XKR4: variants seen among roughly 807,000 people sequenced by gnomAD.
The protein encoded by XKR4 is XK-related protein 4.
Under a neutral mutation model 53.9 loss-of-function variants are expected in XKR4, and 12 were observed. That is an observed-to-expected ratio of 0.22 (90% CI 0.14 to 0.36). The LOEUF is 0.36. XKR4 is among the 10% of genes least tolerant of loss of function. The pLI, the probability that XKR4 is intolerant of heterozygous loss-of-function variation, is 1.00. For missense variants in XKR4, 799 were observed against 859.5 expected (o/e 0.93, Z 0.88); for synonymous variants, 354 against 362.4 (o/e 0.98, Z 0.26).
intron 1 of XKR4, among the ~76,000 whole-genome samples, chr8:55,160,645 G>T (rs76068249): frequency 6.6e-6 from 1 of 152,104 alleles, no homozygotes; most frequent in Non-Finnish European, 1.5e-5. Context: ...TTCCCTATGA[G>T]TATGCATTGT....
At chr8:55,221,204 C>T (rs1817876733) in intron 1 of XKR4, among the ~76,000 whole-genome samples, 1 of 152,138 alleles carries the variant, frequency 6.6e-6, no homozygotes, top group Non-Finnish European at 1.5e-5. Flanking sequence ...ACTTTTATTG[C>T]CTGTCAACCT....
intron 2 of XKR4, among the ~76,000 whole-genome samples, chr8:55,400,309 G>A (rs930789851): frequency 2.0e-5 from 3 of 151,736 alleles, no homozygotes; most frequent in African/African-American, 7.3e-5. Flanking sequence ...CCCTAGAAAT[G>A]TTCTGCCAAA....
intron 2 of XKR4, among the ~76,000 whole-genome samples, chr8:55,401,460 T>C (rs1204552153): frequency 6.6e-6 from 1 of 152,198 alleles, no homozygotes; most frequent in East Asian, 1.9e-4. Flanking sequence ...ATGCAATCAC[T>C]CAATTTTCCA....
chr8:55,513,630 C>T (rs1255612892), intron 2 of XKR4, among the ~76,000 whole-genome samples: 1 of 152,182 alleles, frequency 6.6e-6, no homozygotes, highest in African/African-American at 2.4e-5. Flanking sequence ...GAGGTTTATT[C>T]ATGTCCATAC....
rs373106706 is a variant in XKR4, at chr8:55,220,694, C to T, written c.806+117400C>T. Among the ~76,000 whole-genome samples the T allele has an allele frequency of 2.4e-4, 37 of 152,304 alleles. 1 individual carries two copies. In the South Asian group the frequency reaches 5.4e-3, roughly 22 times the overall value. On this transcript the variant is annotated intron_variant, in intron 1 of 2. Transcript: ENST00000327381. ...AACCCAGCCAGTTTGGTTTGAACTC[C>T]GACCACCTTCTAGGTCTTACTGTCT... is the stretch of plus-strand genomic sequence containing the variant.
rs1807039956 is a variant in XKR4 at position 55,536,995 on chromosome 8, T to C, written c.*12768T>C. ...CAAATAGAAGTTTTAATTTTAAGCA[T>C]TCCTTATGATATTTTTTAAGCCTAA... On this transcript the variant is annotated 3_prime_UTR_variant, in exon 3 of 3. Coordinates refer to ENST00000327381, the MANE Select transcript of XKR4 (RefSeq NM_052898.2). 1 of 152,248 alleles carries C rather than the reference T, an allele frequency of 6.6e-6. No homozygotes were observed. The highest frequency in any genetic ancestry group is 2.4e-5 in the African/African-American group (1 of 41,464). The allele number at this position is 152,248 out of a possible 1,614,324, so 9.4% of individuals were successfully genotyped here.
chr8:55,292,884 C>T (rs1399579506), intron 1 of XKR4, among the ~76,000 whole-genome samples: 1 of 152,100 alleles, frequency 6.6e-6, no homozygotes, highest in East Asian at 1.9e-4. Flanking sequence ...GAAACTTCCT[C>T]TTTGGTCCAT....
intron 2 of XKR4, among the ~76,000 whole-genome samples, chr8:55,515,150 G>T (rs551129081): frequency 1.3e-5 from 2 of 152,050 alleles, no homozygotes; most frequent in Non-Finnish European, 2.9e-5. Context: ...CATCTCCTCA[G>T]CAGACTCACA....
At chr8:55,219,669 C>A (rs985018338) in intron 1 of XKR4, among the ~76,000 whole-genome samples, 1 of 152,154 alleles carries the variant, frequency 6.6e-6, no homozygotes, top group Non-Finnish European at 1.5e-5. Context: ...TAGAGCAAAC[C>A]AGTGTTGACT....
intron 1 of XKR4, among the ~76,000 whole-genome samples, chr8:55,298,038 A>G (rs1339217778): frequency 6.6e-6 from 1 of 152,208 alleles, no homozygotes; most frequent in Non-Finnish European, 1.5e-5. Context: ...TTACATTTAC[A>G]GTCGATTTTT....
intron 1 of XKR4, among the ~76,000 whole-genome samples, chr8:55,252,697 G>A (rs1376363351): frequency 6.6e-6 from 1 of 152,182 alleles, no homozygotes; most frequent in Non-Finnish European, 1.5e-5. Context: ...ATGAGGACAT[G>A]CATTGTTTAT....
chr8:55,453,058 T>C, intron 2 of XKR4: 1 of 599,458 alleles, frequency 1.7e-6, no homozygotes, highest in South Asian at 1.4e-5. Context: ...CCCAACCTCC[T>C]GGGCTGGGGC....
At chr8:55,481,971 T>G (rs1806116185) in intron 2 of XKR4, among the ~76,000 whole-genome samples, 1 of 152,180 alleles carries the variant, frequency 6.6e-6, no homozygotes, top group Non-Finnish European at 1.5e-5. Flanking sequence ...GTTCAACCAT[T>G]GTGGAAGTCA....
chr8:55,334,701 C>T (rs868538294), intron 1 of XKR4, among the ~76,000 whole-genome samples: 1 of 152,078 alleles, frequency 6.6e-6, no homozygotes, highest in Non-Finnish European at 1.5e-5. Context: ...ACCTGATGGC[C>T]TGAGATGTGT....
intron 1 of XKR4, among the ~76,000 whole-genome samples, chr8:55,259,334 A>T (rs1456210033): frequency 6.6e-6 from 1 of 152,244 alleles, no homozygotes; most frequent in Non-Finnish European, 1.5e-5. Flanking sequence ...TAGATAATGT[A>T]TGTAAAGGAC....
intron 2 of XKR4, chr8:55,453,817 C>A: frequency 2.1e-6 from 1 of 469,870 alleles, no homozygotes; most frequent in South Asian, 1.8e-5. Flanking sequence ...GGTTCTCATC[C>A]ACCCACCTCT....
intron 2 of XKR4, among the ~76,000 whole-genome samples, chr8:55,483,872 A>AAAATG (rs367863692): frequency 4.6e-5 from 7 of 152,162 alleles, no homozygotes; most frequent in African/African-American, 1.2e-4. Flanking sequence ...AAAAATAGAG[A>AAAATG]AAATGAAATG....
chr8:55,256,367 G>A (rs1262933446), intron 1 of XKR4, among the ~76,000 whole-genome samples: 2 of 152,204 alleles, frequency 1.3e-5, no homozygotes, highest in African/African-American at 2.4e-5. Flanking sequence ...GTGGCTGTAT[G>A]GAGAATGGAT....
chr8:55,497,856 T>C (rs1806375428), intron 2 of XKR4, among the ~76,000 whole-genome samples: 1 of 151,944 alleles, frequency 6.6e-6, no homozygotes, highest in Admixed American at 6.6e-5. Flanking sequence ...CCTAATACCT[T>C]CCCACCTCAC....
Sources: gnomAD v4.1 joint callset for allele counts (sites outside exome capture counted in the v4.1 genomes callset) on GRCh38, gnomAD v4.1.1 for gene constraint, MANE v1.5 for transcripts, NCBI Gene and HGNC (gene_info 2026-07-23, HGNC 2026-07-21) for gene names.